The following GRAMD1B variants were observed in gnomAD, a reference collection of about 807,000 sequenced individuals.
The protein encoded by GRAMD1B is protein Aster-B.
In GRAMD1B, 37 loss-of-function variants were observed where a neutral mutation model predicts 99.7. The ratio of observed to expected loss-of-function variants is 0.37; its 90% CI spans 0.29 to 0.49. The LOEUF (loss-of-function observed/expected upper bound fraction) is 0.49. GRAMD1B is among the 20% of genes least tolerant of loss of function. The probability of loss-of-function intolerance (pLI) is 0.98; values close to 1 mark genes in which losing one functional copy is unlikely to be tolerated. For synonymous variants in GRAMD1B, 427 were observed against 387.6 expected (o/e 1.10, Z -1.19); for missense variants, 888 against 1,009.2 (o/e 0.88, Z 1.63).
chr11:123,548,290 AAATAT>A lies in GRAMD1B; in HGVS notation c.453-29075_453-29071del, dbSNP rs1565357226. Among the ~76,000 whole-genome samples the A allele has an allele frequency of 2.4e-4, 14 of 58,176 alleles. 1 individual carries two copies. The highest frequency in any genetic ancestry group is 1.2e-3 in the African/African-American group (14 of 12,038). 38.2% of individuals were successfully genotyped at this position (58,176 alleles called of 152,430 possible). ...AAATTGGAAGAGTCAGGCTGTGCCA[AAATAT>A]ATATATATATATATATATATATATA... On this transcript the variant is annotated intron_variant, in intron 2 of 19. Coordinates refer to ENST00000635736, the MANE Select transcript of GRAMD1B (RefSeq NM_001387025.1).
At chr11:123,565,715 C>T (rs1434717410) in intron 2 of GRAMD1B, among the ~76,000 whole-genome samples, 1 of 152,192 alleles carries the variant, frequency 6.6e-6, no homozygotes, top group African/African-American at 2.4e-5. Flanking sequence ...GGGAGCCCTG[C>T]ACCCAGTGGG....
At chr11:123,372,444 C>G (rs57596880) in intron 1 of GRAMD1B, among the ~76,000 whole-genome samples, 24,305 of 152,152 alleles carry the variant, frequency 0.16, 2,048 homozygotes, top group African/African-American at 0.21. Context: ...AGGTTTGGGA[C>G]TAGCACCCCC....
chr11:123,627,724 G>A lies in GRAMD1B; in HGVS notation c.*5129G>A, dbSNP rs745589036. 2 of 152,274 alleles carry A rather than the reference G, an allele frequency of 1.3e-5. No homozygotes were observed. The highest frequency in any genetic ancestry group is 2.4e-5 in the African/African-American group (1 of 41,478). The allele number at this position is 152,274 out of a possible 1,614,324, so 9.4% of individuals were successfully genotyped here. Reference sequence around the variant, plus strand: ...CTTAATGTAAAGTAGCTAGAGCCATGGAAGTACAGTATGAATTAAAAAGAA... The same window carrying A: ...CTTAATGTAAAGTAGCTAGAGCCATAGAAGTACAGTATGAATTAAAAAGAA... On this transcript the variant is annotated 3_prime_UTR_variant, in exon 20 of 20. Coordinates refer to ENST00000635736, the MANE Select transcript of GRAMD1B (RefSeq NM_001387025.1).
chr11:123,360,199 G>T (rs1946091999), intron 1 of GRAMD1B, among the ~76,000 whole-genome samples: 1 of 152,162 alleles, frequency 6.6e-6, no homozygotes, highest in Admixed American at 6.5e-5. Context: ...TATTTAGGAG[G>T]TTAGATAGGA....
chr11:123,465,110 G>T, intron 1 of GRAMD1B, among the ~76,000 whole-genome samples: 1 of 152,068 alleles, frequency 6.6e-6, no homozygotes, highest in African/African-American at 2.4e-5. Context: ...CTTTTTGTCC[G>T]AGCCATGGAT....
chr11:123,396,270 TTTC>T (rs937261340), intron 1 of GRAMD1B, among the ~76,000 whole-genome samples: 10 of 151,314 alleles, frequency 6.6e-5, no homozygotes, highest in South Asian at 2.1e-4. Flanking sequence ...TTTCTTTTCT[TTTC>T]TTCTTCTTCT....
chr11:123,543,369 A>G (rs958287728), intron 2 of GRAMD1B, among the ~76,000 whole-genome samples: 6 of 152,196 alleles, frequency 3.9e-5, no homozygotes, highest in Non-Finnish European at 5.9e-5. Context: ...CTGGTAAAGA[A>G]CAGACCTGAA....
At chr11:123,568,577 G>A (rs1947674280) in intron 2 of GRAMD1B, among the ~76,000 whole-genome samples, 1 of 152,200 alleles carries the variant, frequency 6.6e-6, no homozygotes, top group South Asian at 2.1e-4. Context: ...CCCATTCTGT[G>A]TCAGATCTGC....
chr11:123,573,094 G>A (rs1222106602), intron 2 of GRAMD1B, among the ~76,000 whole-genome samples: 3 of 150,368 alleles, frequency 2.0e-5, no homozygotes, highest in African/African-American at 4.9e-5. Context: ...GGTAGGCCCC[G>A]ATGGCTGGGG....
At chr11:123,583,318 G>A (rs796995596) in intron 3 of GRAMD1B, among the ~76,000 whole-genome samples, 27 of 150,068 alleles carry the variant, frequency 1.8e-4, no homozygotes, top group African/African-American at 6.4e-4. Flanking sequence ...GTGCACGTGT[G>A]GATGTGTGTG....
intron 1 of GRAMD1B, chr11:123,459,774 C>G (rs575709642): frequency 6.6e-6 from 1 of 152,236 alleles, no homozygotes; most frequent in East Asian, 1.9e-4. Context: ...TAAACACACA[C>G]TGAGGTTCTG....
intron 1 of GRAMD1B, among the ~76,000 whole-genome samples, chr11:123,389,498 G>C (rs994832261): frequency 5.3e-5 from 8 of 152,242 alleles, no homozygotes; most frequent in Admixed American, 2.6e-4. Flanking sequence ...TCAGCCAAGA[G>C]GAGCCTAAGG....
chr11:123,608,431 G>T lies in GRAMD1B; in HGVS notation c.1514-228G>T, dbSNP rs559780129. ...CCCAAACACTTTGTAAAGAAGGAAT[G>T]GGTAGTGTCAGCTAAAGGAAATGGT... On this transcript the variant is annotated intron_variant, in intron 11 of 19. Coordinates refer to ENST00000635736, the MANE Select transcript of GRAMD1B (RefSeq NM_001387025.1). The T allele has an allele frequency of 2.5e-5, 33 of 1,337,580 alleles. No homozygotes were observed. In the African/African-American group the frequency reaches 3.0e-4, roughly 12 times the overall value. 82.9% of individuals were successfully genotyped at this position (1,337,580 alleles called of 1,614,324 possible). A position where few individuals can be genotyped will look rare whatever the true frequency, so the allele number is the denominator to read the frequency against.
At position 123,598,740 on chromosome 11, in the gene GRAMD1B, G is replaced by A. The variant is rs200783729; in HGVS notation, c.970-1728G>A. 37 of 898,584 alleles carry A rather than the reference G, an allele frequency of 4.1e-5. No homozygotes were observed. The East Asian group carries it at 4.3e-4, about 10-fold the overall frequency. The allele number at this position is 898,584 out of a possible 1,614,324, so 55.7% of individuals were successfully genotyped here. Reference sequence around the variant, plus strand: ...GAGGTCAAGATGGGCTCCAGCCTGCGTCAGAGCACTGCTTGTCTCTTTCGG... The same window carrying A: ...GAGGTCAAGATGGGCTCCAGCCTGCATCAGAGCACTGCTTGTCTCTTTCGG... On this transcript the variant is annotated intron_variant, in intron 7 of 19. Transcript: ENST00000635736.
chr11:123,575,728 C>A (rs959298030), intron 2 of GRAMD1B, among the ~76,000 whole-genome samples: 1 of 151,778 alleles, frequency 6.6e-6, no homozygotes, highest in African/African-American at 2.4e-5. Flanking sequence ...GCATCTCTAA[C>A]CAAAGTAAAG....
intron 1 of GRAMD1B, among the ~76,000 whole-genome samples, chr11:123,441,247 T>C (rs374629489): frequency 1.2e-3 from 190 of 152,156 alleles, no homozygotes; most frequent in African/African-American, 4.3e-3. Context: ...GAGTACTCAC[T>C]CATTCTCGAA....
At chr11:123,446,374 C>T (rs1481217802) in intron 1 of GRAMD1B, among the ~76,000 whole-genome samples, 1 of 152,036 alleles carries the variant, frequency 6.6e-6, no homozygotes, top group Admixed American at 6.5e-5. Flanking sequence ...CCATGTTGGC[C>T]AGGCTAATCT....
chr11:123,410,045 C>T (rs1947987049), intron 1 of GRAMD1B, among the ~76,000 whole-genome samples: 1 of 152,114 alleles, frequency 6.6e-6, no homozygotes, highest in Non-Finnish European at 1.5e-5. Context: ...CTTTCCCTTT[C>T]TGACCCCCTG....
At chr11:123,380,916 C>T (rs1946850671) in intron 1 of GRAMD1B, among the ~76,000 whole-genome samples, 1 of 152,142 alleles carries the variant, frequency 6.6e-6, no homozygotes, top group African/African-American at 2.4e-5. Context: ...ATATGAGCTC[C>T]CACTCCCTTC....
Sources: gnomAD v4.1 joint callset for allele counts (sites outside exome capture counted in the v4.1 genomes callset) on GRCh38, gnomAD v4.1.1 for gene constraint, MANE v1.5 for transcripts, NCBI Gene and HGNC (gene_info 2026-07-23, HGNC 2026-07-21) for gene names.